Variants in CALM2 observed in about 807,000 individuals in gnomAD.
The protein encoded by CALM2 is calmodulin-2.
In CALM2, 2 loss-of-function variants were observed where a neutral mutation model predicts 19.8. The ratio of observed to expected loss-of-function variants is 0.10; its 90% CI spans 0.04 to 0.32. The LOEUF is 0.32. Ranked by LOEUF, CALM2 falls within the 10% of genes least tolerant of loss-of-function variation. The probability of loss-of-function intolerance (pLI) is 1.00; values close to 1 mark genes in which losing one functional copy is unlikely to be tolerated. For synonymous variants in CALM2, 51 were observed against 52.1 expected, an observed-to-expected ratio of 0.98 and a Z score of 0.09; for missense variants, 38 against 178.7, an observed-to-expected ratio of 0.21 and a Z score of 4.49.
At position 47,161,925 on chromosome 2, in the gene CALM2, T is replaced by TA; in HGVS notation, c.286-68dup. The TA allele has an allele frequency of 3.9e-6, 5 of 1,286,994 alleles. No homozygotes were observed. In the South Asian group the frequency reaches 3.9e-5, roughly 10 times the overall value. 79.7% of individuals were successfully genotyped at this position (1,286,994 alleles called of 1,614,324 possible). A position where few individuals can be genotyped will look rare whatever the true frequency, so the allele number is the denominator to read the frequency against. ...CTTGAGAGTTGGAATGGAAATTTAT[T>TA]AAGTTTACTACTAAATTTCACATTG... On this transcript the variant is annotated intron_variant, in intron 4 of 5. Coordinates refer to ENST00000272298, the MANE Select transcript of CALM2 (RefSeq NM_001743.6).
At chr2:47,172,822 GGTGGGA>G (rs1346685414) in intron 1 of CALM2, 6 of 9,220 alleles carry the variant, frequency 6.5e-4, no homozygotes, top group African/African-American at 1.5e-3. Context: ...GGGGGGGGGG[GGTGGGA>G]AATGGGACTT....
At chr2:47,175,407 C>T (rs1666821644) in intron 1 of CALM2, among the ~76,000 whole-genome samples, 1 of 152,140 alleles carries the variant, frequency 6.6e-6, no homozygotes, top group Admixed American at 6.5e-5. Context: ...GACCGACTTT[C>T]AGAAGGCAGT....
At chr2:47,170,530 A>G (rs1379973133) in intron 2 of CALM2, among the ~76,000 whole-genome samples, 1 of 152,200 alleles carries the variant, frequency 6.6e-6, no homozygotes, top group Non-Finnish European at 1.5e-5. Flanking sequence ...CTTTAACTAC[A>G]ATTAGCCCTG....
chr2:47,172,287 G>C (rs1029793077), intron 1 of CALM2: 1 of 334,052 alleles, frequency 3.0e-6, no homozygotes, highest in African/African-American at 2.2e-5. Context: ...TGGCGTGGGG[G>C]GAAAGCATCA....
At chr2:47,173,994 T>C (rs1262529164) in intron 1 of CALM2, 1 of 152,204 alleles carries the variant, frequency 6.6e-6, no homozygotes, top group Non-Finnish European at 1.5e-5. Flanking sequence ...TTCTATATTT[T>C]AAAAGAGCCA....
Position 47,161,607 on chromosome 2 carries a change from T to C in CALM2, c.421+116A>G, listed in dbSNP as rs113557417. 1.2e-4 allele frequency: 108 copies of C among 877,168 alleles called. No individual in the cohort carries two copies. In the African/African-American group the frequency reaches 1.7e-3, roughly 14 times the overall value. 54.3% of individuals were successfully genotyped at this position (877,168 alleles called of 1,614,324 possible). A position where few individuals can be genotyped will look rare whatever the true frequency, so the allele number is the denominator to read the frequency against. ...TTTAAGAAGGTTAAATGTAAGTAAC[T>C]GTTTTAGCAACCTAATTTCAGGGGA... On this transcript the variant is annotated intron_variant, in intron 5 of 5. Transcript: ENST00000272298.
chr2:47,175,085 T>TTTTTTTTTTTTG (rs1553433885), intron 1 of CALM2, among the ~76,000 whole-genome samples: 4 of 130,566 alleles, frequency 3.1e-5, no homozygotes, highest in African/African-American at 1.2e-4. Context: ...TTAGGTGTTT[T>TTTTTTTTTTTTG]TTTTTTTTTT....
At chr2:47,171,053 A>C (rs963091216) in intron 1 of CALM2, 7 of 328,680 alleles carry the variant, frequency 2.1e-5, no homozygotes, top group African/African-American at 1.1e-4. Flanking sequence ...GCTAAACTTA[A>C]GCTCACTTCT....
intron 2 of CALM2, among the ~76,000 whole-genome samples, chr2:47,168,313 T>A (rs1035803418): frequency 4.6e-5 from 7 of 152,146 alleles, no homozygotes; most frequent in Non-Finnish European, 1.0e-4. Context: ...AGAACAGATT[T>A]TTTTCCCTCT....
intron 1 of CALM2, among the ~76,000 whole-genome samples, chr2:47,175,028 C>T (rs1214965323): frequency 6.8e-6 from 1 of 148,044 alleles, no homozygotes; most frequent in African/African-American, 2.5e-5. Flanking sequence ...GCTGTAACCA[C>T]TTGGCAGGAG....
At chr2:47,176,359 G>A (rs1295049671) in intron 1 of CALM2, 82 bp downstream of exon 1, 8 of 1,542,154 alleles carry the variant, frequency 5.2e-6, no homozygotes, top group African/African-American at 1.4e-5. Context: ...GTGTAAGGGA[G>A]GCGAGTTTCC....
intron 1 of CALM2, among the ~76,000 whole-genome samples, chr2:47,174,857 T>C (rs1001072456): frequency 1.3e-5 from 2 of 152,158 alleles, no homozygotes; most frequent in African/African-American, 4.8e-5. Flanking sequence ...CAGAATAACA[T>C]TTGAAGCATC....
intron 5 of CALM2, among the ~76,000 whole-genome samples, chr2:47,161,392 T>C (rs1223724758): frequency 6.6e-6 from 1 of 152,190 alleles, no homozygotes; most frequent in African/African-American, 2.4e-5. Flanking sequence ...TTGGAATAAG[T>C]TTGCTTTCCA....
chr2:47,175,745 G>C (rs1468409973), intron 1 of CALM2, among the ~76,000 whole-genome samples: 3 of 151,520 alleles, frequency 2.0e-5, no homozygotes, highest in Non-Finnish European at 4.4e-5. Context: ...AGTCCTGCAG[G>C]TGCCAGCAGA....
At chr2:47,169,416 T>C (rs1666597629) in intron 2 of CALM2, among the ~76,000 whole-genome samples, 1 of 152,174 alleles carries the variant, frequency 6.6e-6, no homozygotes, top group African/African-American at 2.4e-5. Context: ...TGCCTCAGCC[T>C]CCCAAAGTGA....
intron 3 of CALM2, 35 bp from the exon 4 acceptor site, chr2:47,162,427 T>C (rs757761672): frequency 9.3e-6 from 15 of 1,606,156 alleles, no homozygotes; most frequent in Non-Finnish European, 1.2e-5. Context: ...AAAGCTTTAG[T>C]GGAAACATAT....
intron 1 of CALM2, among the ~76,000 whole-genome samples, chr2:47,175,088 T>TTTTTTG (rs1362984217): frequency 3.0e-5 from 4 of 132,426 alleles, no homozygotes; most frequent in Non-Finnish European, 6.0e-5. Context: ...GGTGTTTTTT[T>TTTTTTG]TTTTTTTTTT....
At chr2:47,161,913 A>G in intron 4 of CALM2, 55 bp from the exon 5 acceptor site, 1 of 1,422,090 alleles carries the variant, frequency 7.0e-7, no homozygotes, top group Middle Eastern at 1.8e-4. Flanking sequence ...GAGAGTTGGA[A>G]TGGAAATTTA....
rs756979762 is a variant in CALM2, at chr2:47,176,491, C to T, written c.-48G>A. 2.5e-6 allele frequency: 4 copies of T among 1,612,368 alleles called. No homozygotes were observed. The African/African-American group carries it at 5.3e-5, about 22-fold the overall frequency. On this transcript the variant is annotated 5_prime_UTR_variant, in exon 1 of 6. Transcript: ENST00000272298. The stretch of plus-strand genomic sequence containing the variant: ...GAGACGCGACCACACAACCACTCAG[C>T]TCGCTCTCTCCACTCGGACTAATTC...
Sources: allele counts gnomAD v4.1 joint callset (sites outside exome capture counted in the v4.1 genomes callset), GRCh38; gene constraint gnomAD v4.1.1; transcripts MANE v1.5; gene names NCBI Gene and HGNC (gene_info 2026-07-23, HGNC 2026-07-21).